SIPA1L2: variants seen among roughly 807,000 people sequenced by gnomAD.
SIPA1L2 encodes the protein signal induced proliferation associated 1 like 2.
In SIPA1L2, 56 loss-of-function variants were observed where a neutral mutation model predicts 163.9. The ratio of observed to expected loss-of-function variants is 0.34; its 90% CI spans 0.28 to 0.43. The LOEUF is 0.43. Among genes scored for constraint, SIPA1L2 ranks in the 20% least tolerant of loss-of-function variants. The pLI is 1.00. For synonymous variants in SIPA1L2, 877 were observed against 865.7 expected (o/e 1.01, Z -0.23); for missense variants, 1,974 against 2,193.5 (o/e 0.90, Z 2.00).
At chr1:232,560,610 T>C (rs1173499231) in intron 2 of SIPA1L2, among the ~76,000 whole-genome samples, 1 of 152,212 alleles carries the variant, frequency 6.6e-6, no homozygotes, top group Non-Finnish European at 1.5e-5. Context: ...AGCTCTCACC[T>C]GCCTCCTCTG....
At chr1:232,601,760 G>C (rs1244079901) in intron 1 of SIPA1L2, among the ~76,000 whole-genome samples, 1 of 152,110 alleles carries the variant, frequency 6.6e-6, no homozygotes, top group Non-Finnish European at 1.5e-5. Context: ...AATTTTACTT[G>C]TATTCTTTAC....
chr1:232,470,369 G>C (rs566023222), intron 8 of SIPA1L2, among the ~76,000 whole-genome samples: 4 of 152,144 alleles, frequency 2.6e-5, no homozygotes, highest in Non-Finnish European at 4.4e-5. Context: ...AAGGCGACTG[G>C]GAAGTAAAAT....
intron 3 of SIPA1L2, among the ~76,000 whole-genome samples, chr1:232,510,886 T>C (rs1162942051): frequency 1.3e-5 from 2 of 152,164 alleles, no homozygotes; most frequent in African/African-American, 4.8e-5. Flanking sequence ...ATATATATAA[T>C]TTTATGTTCT....
chr1:232,501,807 G>A (rs1572992872), intron 3 of SIPA1L2, among the ~76,000 whole-genome samples: 3 of 152,260 alleles, frequency 2.0e-5, no homozygotes, highest in African/African-American at 7.2e-5. Flanking sequence ...ACTTCTTGAT[G>A]GCCTCTACCC....
chr1:232,574,252 C>T (rs1013395096), intron 1 of SIPA1L2, among the ~76,000 whole-genome samples, 30 bp from the exon 2 acceptor site: 3 of 152,354 alleles, frequency 2.0e-5, no homozygotes, highest in Admixed American at 6.5e-5. Flanking sequence ...CCCATTCAGA[C>T]TCCCAGAACA....
At chr1:232,523,935 C>A (rs1267144681) in intron 2 of SIPA1L2, among the ~76,000 whole-genome samples, 1 of 152,122 alleles carries the variant, frequency 6.6e-6, no homozygotes, top group Non-Finnish European at 1.5e-5. Context: ...AAAATCCTGC[C>A]AATCCATACA....
intron 1 of SIPA1L2, among the ~76,000 whole-genome samples, chr1:232,614,236 C>G (rs1387983070): frequency 6.6e-6 from 1 of 151,574 alleles, no homozygotes; most frequent in Non-Finnish European, 1.5e-5. Context: ...ACTCATTATT[C>G]CATCAGCCAA....
rs762231541 is a variant in SIPA1L2 at position 232,565,077 on chromosome 1, GAGTA to G, written c.-270+9093_-270+9096del. On this transcript the variant is annotated intron_variant, in intron 2 of 22. Coordinates refer to ENST00000674635, the MANE Select transcript of SIPA1L2 (RefSeq NM_020808.5). ...AATTTAAAGTAAATAAATTGATAAT[GAGTA>G]AGTACACTAAATGAAAGATAGAAAT... Among the ~76,000 whole-genome samples the G allele has an allele frequency of 8.7e-4, 133 of 152,262 alleles. 1 individual carries two copies. The highest frequency in any genetic ancestry group is 3.1e-4 in the Non-Finnish European group (21 of 68,024).
intron 9 of SIPA1L2, chr1:232,462,117 C>T: frequency 9.4e-7 from 1 of 1,059,680 alleles, no homozygotes; most frequent in Non-Finnish European, 1.4e-6. Flanking sequence ...CAAAAAGGAA[C>T]ATGAAAGAAG....
chr1:232,588,693 G>C (rs1246242868), intron 1 of SIPA1L2, among the ~76,000 whole-genome samples: 2 of 152,144 alleles, frequency 1.3e-5, no homozygotes, highest in Admixed American at 1.3e-4. Context: ...GTGAGGCTAG[G>C]TTTTCTTTGG....
chr1:232,563,287 T>G (rs1308480914), intron 2 of SIPA1L2, among the ~76,000 whole-genome samples: 1 of 152,234 alleles, frequency 6.6e-6, no homozygotes, highest in East Asian at 1.9e-4. Context: ...CCTAAGCTCT[T>G]GTGGTCACCT....
chr1:232,421,137 T>G (rs1661551061), intron 18 of SIPA1L2, among the ~76,000 whole-genome samples: 1 of 152,192 alleles, frequency 6.6e-6, no homozygotes. Flanking sequence ...AAGCATTTTT[T>G]GGGCACAGTT....
intron 7 of SIPA1L2, among the ~76,000 whole-genome samples, chr1:232,472,692 T>G (rs1210427140): frequency 6.6e-6 from 1 of 152,232 alleles, no homozygotes; most frequent in Admixed American, 6.5e-5. Flanking sequence ...CAATCTCAGA[T>G]AGTAAATCTC....
chr1:232,604,206 T>A (rs916183554), intron 1 of SIPA1L2, among the ~76,000 whole-genome samples: 1 of 152,200 alleles, frequency 6.6e-6, no homozygotes, highest in Non-Finnish European at 1.5e-5. Flanking sequence ...AAATCAACTT[T>A]GTTTTGACTC....
intron 2 of SIPA1L2, among the ~76,000 whole-genome samples, chr1:232,523,958 T>C (rs1012417235): frequency 6.6e-6 from 1 of 152,212 alleles, no homozygotes; most frequent in African/African-American, 2.4e-5. Flanking sequence ...AGTCCAGTAT[T>C]TGATTTTTTA....
intron 6 of SIPA1L2, among the ~76,000 whole-genome samples, chr1:232,481,491 AATGTGATAATAAT>A (rs2102973072): frequency 6.6e-6 from 1 of 152,302 alleles, no homozygotes; most frequent in Non-Finnish European, 1.5e-5. Context: ...TACTTCTTAA[AATGTGATAATAAT>A]ATGTCTTTCT....
At position 232,460,020 on chromosome 1, in the gene SIPA1L2, A is replaced by G. The variant is rs12409008; in HGVS notation, c.3095+867T>C. Among the ~76,000 whole-genome samples the G allele has an allele frequency of 4.5e-3, 680 of 152,216 alleles. 23 individuals are homozygous for G. Among genetic ancestry groups the G allele is most frequent in the Admixed American group, 0.041 (623 of 15,292 alleles). On this transcript the variant is annotated intron_variant, in intron 10 of 22. Coordinates refer to ENST00000674635, the MANE Select transcript of SIPA1L2 (RefSeq NM_020808.5). ...CAGCAAATTCCTGGATTCCAAGCAT[A>G]CTTTGTCTCTCAAAAGCCAGAGCTC... is the stretch of plus-strand genomic sequence containing the variant.
At chr1:232,418,951 T>TG (rs1157978957) in intron 18 of SIPA1L2, among the ~76,000 whole-genome samples, 16 of 152,250 alleles carry the variant, frequency 1.1e-4, no homozygotes, top group African/African-American at 3.9e-4. Flanking sequence ...GGCACAACAG[T>TG]GGGTAGGGCA....
At chr1:232,627,075 T>A (rs1379396561) in intron 1 of SIPA1L2, among the ~76,000 whole-genome samples, 1 of 152,186 alleles carries the variant, frequency 6.6e-6, no homozygotes, top group Non-Finnish European at 1.5e-5. Flanking sequence ...GCTTTTCAAT[T>A]AACAATACCC....
Sources: gnomAD v4.1 joint callset for allele counts (sites outside exome capture counted in the v4.1 genomes callset) on GRCh38, gnomAD v4.1.1 for gene constraint, MANE v1.5 for transcripts, NCBI Gene and HGNC (gene_info 2026-07-23, HGNC 2026-07-21) for gene names.